Variants in LMNA observed in about 807,000 individuals in gnomAD.
LMNA encodes the protein lamin A/C, also known as lamin.
In LMNA, 20 loss-of-function variants were observed where a neutral mutation model predicts 70.4. That is an observed-to-expected ratio of 0.28 (90% CI 0.20 to 0.41). The LOEUF (loss-of-function observed/expected upper bound fraction) is 0.41. Ranked by LOEUF, LMNA falls within the 10% of genes least tolerant of loss-of-function variation. The pLI is 1.00. For missense variants in LMNA, 652 were observed against 917.2 expected (o/e 0.71, Z 3.73); for synonymous variants, 339 against 372.8 (o/e 0.91, Z 1.04).
In LMNA at chr1:156,138,065, G is replaced by C. The variant is rs764628600; in HGVS notation, c.1698+322G>C. The C allele has an allele frequency of 1.5e-4, 82 of 544,950 alleles. No homozygotes were observed. The highest frequency in any genetic ancestry group is 2.4e-4 in the Non-Finnish European group (73 of 303,722). The allele number at this position is 544,950 out of a possible 1,614,324, so 33.8% of individuals were successfully genotyped here. ...GACAGACGTGGGGCATGCCCGCCCT[G>C]CCTCTCTCCCCCATTCTTGTTGCAT... On this transcript the variant is annotated intron_variant, in intron 10 of 11. Coordinates refer to ENST00000368300, the MANE Select transcript of LMNA (RefSeq NM_170707.4). The surrounding 1 kb of genome is among the most constrained non-coding windows in gnomAD (Gnocchi z 5.5).
In LMNA at chr1:156,138,134, C is replaced by T. The variant is rs1191920996; in HGVS notation, c.1699-354C>T. 3.8e-6 allele frequency: 2 copies of T among 528,620 alleles called. No homozygotes were observed. Among genetic ancestry groups the T allele is most frequent in the East Asian group, 6.7e-5 (2 of 29,846 alleles). The allele number at this position is 528,620 out of a possible 1,614,324, so 32.7% of individuals were successfully genotyped here. A position where few individuals can be genotyped will look rare whatever the true frequency, so the allele number is the denominator to read the frequency against. On this transcript the variant is annotated intron_variant, in intron 10 of 11. Coordinates refer to ENST00000368300, the MANE Select transcript of LMNA (RefSeq NM_170707.4). The surrounding 1 kb of genome is among the most constrained non-coding windows in gnomAD (Gnocchi z 5.5). ...CTCATTTTTCCTGCAAGAATGTTCT[C>T]TCTCATTCCTGACCGCCCCTCCACT...
chr1:156,113,830 GA>G (rs1173493835), upstream of LMNA, among the ~76,000 whole-genome samples: 2 of 152,124 alleles, frequency 1.3e-5, no homozygotes, highest in African/African-American at 2.4e-5. Context: ...AGTTCTGGGG[GA>G]AAAAAATAAG....
chr1:156,135,269 G>A lies in LMNA; in HGVS notation c.893G>A (p.Arg298His), dbSNP rs762653476. 11 of 1,613,444 alleles carry A rather than the reference G, an allele frequency of 6.8e-6. No individual in the cohort carries two copies. Among genetic ancestry groups the A allele is most frequent in the African/African-American group, 2.7e-5 (2 of 74,932 alleles). The part of the protein sequence containing the change: ...AHEELQQSRI[R>H]IDSLSAQLSQ... ...GAGGAGCTGCAGCAGTCGCGCATCC[G>A]CATCGACAGCCTCTCTGCCCAGCTC... The change falls in exon 5 of 12, where the codon CGC becomes CAC. Residue 298 changes from arginine (R) to histidine (H), a missense_variant. Arg to His is a conservative substitution (Grantham distance 29). Around this residue, in one of 4 missense-constraint regions of LMNA, gnomAD observed 254 missense variants for 421.9 expected, o/e 0.60. Coordinates refer to ENST00000368300, the MANE Select transcript of LMNA (RefSeq NM_170707.4). This position sits in a 1 kb window ranked among gnomAD's most constrained non-coding sequence, Gnocchi z 4.8.
At chr1:156,132,088 T>A (rs951882693) in intron 2 of LMNA, among the ~76,000 whole-genome samples, 1 of 152,086 alleles carries the variant, frequency 6.6e-6, no homozygotes, top group African/African-American at 2.4e-5. Context: ...AGGAAAATCA[T>A]TTGAACCCAG....
At position 156,137,151 on chromosome 1, in the gene LMNA, T is replaced by A; in HGVS notation, c.1527T>A (p.Pro509=). The A allele has an allele frequency of 6.2e-7, 1 of 1,613,108 alleles. No individual in the cohort carries two copies. Among genetic ancestry groups the A allele is most frequent in the East Asian group, 2.2e-5 (1 of 44,844 alleles). ...AAGAGATHSP[P]TDLVWKAQNT... is the part of the protein sequence containing the mutation. ...GAGCTGGGGCCACCCACAGCCCCCC[T>A]ACCGACCTGGTGTGGAAGGCACAGA... The change falls in exon 9 of 12, where the codon CCT becomes CCA. Residue 509 remains proline (P), a synonymous_variant. Transcript: ENST00000368300. The surrounding 1 kb of genome is among the most constrained non-coding windows in gnomAD (Gnocchi z 4.6).
intron 1 of LMNA, chr1:156,126,040 A>G: frequency 2.5e-6 from 1 of 401,562 alleles, no homozygotes; most frequent in Admixed American, 4.6e-5. Context: ...TTAAATTAAA[A>G]TTAAACAAAT....
upstream of LMNA, chr1:156,114,710 C>T (rs1649674797): frequency 1.8e-6 from 1 of 554,706 alleles, no homozygotes; most frequent in Non-Finnish European, 3.1e-6. Flanking sequence ...GTCGGTGACT[C>T]AGTGTTCGCG....
At chr1:156,090,952 T>C (rs1180453723) in intron 3 of LMNA, 1 of 152,242 alleles carries the variant, frequency 6.6e-6, no homozygotes, top group Non-Finnish European at 1.5e-5. Context: ...GGCCCAGGTA[T>C]GACTTCGCTG....
At chr1:156,132,752 C>A (rs1459089217) in intron 2 of LMNA, among the ~76,000 whole-genome samples, 1 of 152,036 alleles carries the variant, frequency 6.6e-6, no homozygotes, top group Non-Finnish European at 1.5e-5. Flanking sequence ...CTTCCCCCAG[C>A]CCTTCCTGGA....
chr1:156,101,123 AT>A (rs1649126151), intron 3 of LMNA, among the ~76,000 whole-genome samples: 1 of 152,234 alleles, frequency 6.6e-6, no homozygotes, highest in South Asian at 2.1e-4. Context: ...ATTTGGACTT[AT>A]CCTAAATACA....
chr1:156,121,449 A>G (rs1156732966), intron 1 of LMNA, among the ~76,000 whole-genome samples: 2 of 151,706 alleles, frequency 1.3e-5, no homozygotes, highest in African/African-American at 4.9e-5. Context: ...CCTCACTAGG[A>G]CCCCCTATTG....
chr1:156,087,520 C>T (rs925534825), intron 2 of LMNA, among the ~76,000 whole-genome samples: 6 of 150,676 alleles, frequency 4.0e-5, no homozygotes, highest in African/African-American at 1.2e-4. Flanking sequence ...GAATTACAGT[C>T]GTGAGCCATC....
chr1:156,124,008 G>A (rs1414520160), intron 1 of LMNA, among the ~76,000 whole-genome samples: 1 of 152,216 alleles, frequency 6.6e-6, no homozygotes, highest in East Asian at 1.9e-4. Context: ...CTTAGGGAAG[G>A]ACAGCTGGGA....
At position 156,135,065 on chromosome 1, in the gene LMNA, A is replaced by G. The variant is rs1381574490; in HGVS notation, c.810+90A>G. On this transcript the variant is annotated intron_variant, in intron 4 of 11. Coordinates refer to ENST00000368300, the MANE Select transcript of LMNA (RefSeq NM_170707.4). This position sits in a 1 kb window ranked among gnomAD's most constrained non-coding sequence, Gnocchi z 4.8. ...GGGCTATGCCTTCTGGGGATCAGGCAGATGGTGGCAGGGAGCTCAGGGTGG... is the reference window on the plus strand; with the variant it reads ...GGGCTATGCCTTCTGGGGATCAGGCGGATGGTGGCAGGGAGCTCAGGGTGG... 51 of 1,610,116 alleles carry G rather than the reference A, an allele frequency of 3.2e-5. No homozygotes were observed. Among genetic ancestry groups the G allele is most frequent in the Non-Finnish European group, 4.3e-5 (51 of 1,177,066 alleles).
At chr1:156,113,323 CA>C (rs956134969), upstream of LMNA, among the ~76,000 whole-genome samples, 5 of 150,890 alleles carry the variant, frequency 3.3e-5, no homozygotes, top group African/African-American at 7.3e-5. Flanking sequence ...AACAAACAAA[CA>C]AAAAAAACAA....
Position 156,134,631 on chromosome 1 carries a change from C to G in LMNA, c.639+103C>G, listed in dbSNP as rs934519818. 52 of 1,573,184 alleles carry G rather than the reference C, an allele frequency of 3.3e-5. No individual in the cohort carries two copies. In the African/African-American group the frequency reaches 6.9e-4, roughly 21 times the overall value. Reference sequence around the variant, plus strand: ...GTGTGCAGAGCTCGCCTTCCTGAGTCCCTTGCCCTAGTGGACAGGGAGTTG... The same window carrying G: ...GTGTGCAGAGCTCGCCTTCCTGAGTGCCTTGCCCTAGTGGACAGGGAGTTG... On this transcript the variant is annotated intron_variant, in intron 3 of 11. Transcript: ENST00000368300. The surrounding 1 kb of genome is among the most constrained non-coding windows in gnomAD (Gnocchi z 5.3).
Position 156,135,802 on chromosome 1 carries a change from T to C in LMNA, c.937-99T>C. ...CTGGGGAAGCTCTGATTGCAGATCC[T>C]GGAGAGAGTAGCCAGGTGTCTCCTA... On this transcript the variant is annotated intron_variant, in intron 5 of 11. Transcript: ENST00000368300. This position sits in a 1 kb window ranked among gnomAD's most constrained non-coding sequence, Gnocchi z 4.8. The C allele has an allele frequency of 1.0e-6, 1 of 964,982 alleles. No individual in the cohort carries two copies. Among genetic ancestry groups the C allele is most frequent in the Non-Finnish European group, 1.6e-6 (1 of 623,412 alleles). 59.8% of individuals were successfully genotyped at this position (964,982 alleles called of 1,614,324 possible).
At chr1:156,133,587 T>TA (rs968133124) in intron 2 of LMNA, among the ~76,000 whole-genome samples, 2 of 150,982 alleles carry the variant, frequency 1.3e-5, no homozygotes, top group African/African-American at 2.4e-5. Flanking sequence ...AAAATAAAAA[T>TA]AAAAAAAAGA....
intron 3 of LMNA, among the ~76,000 whole-genome samples, chr1:156,104,418 C>T (rs767909651): frequency 8.5e-5 from 13 of 152,140 alleles, no homozygotes; most frequent in Non-Finnish European, 1.5e-4. Flanking sequence ...GCCCCCTCCT[C>T]AATTTATGAG....
Sources: allele counts gnomAD v4.1 joint callset (sites outside exome capture counted in the v4.1 genomes callset), GRCh38; gene constraint gnomAD v4.1.1; regional missense constraint gnomAD v4.1.1; non-coding constraint Gnocchi (gnomAD v3.1); transcripts MANE v1.5; gene names NCBI Gene and HGNC (gene_info 2026-07-23, HGNC 2026-07-21).